The following ITPRIPL1 variants were observed in gnomAD, a reference collection of about 807,000 sequenced individuals.
ITPRIPL1 encodes ITPRIP like 1, also known as inositol 1,4,5-trisphosphate receptor-interacting protein-like 1.
In ITPRIPL1, 28 loss-of-function variants were observed where a neutral mutation model predicts 40.0. That is an observed-to-expected ratio of 0.70 (90% confidence interval 0.52 to 0.96). ITPRIPL1 has a LOEUF of 0.96. Ranked by LOEUF, ITPRIPL1 falls within the 40% of genes least tolerant of loss-of-function variation. The pLI is 0.00. For missense variants in ITPRIPL1, 638 were observed against 698.0 expected (o/e 0.91, Z 0.97); for synonymous variants, 251 against 275.7 (o/e 0.91, Z 0.89).
chr2:96,327,160 C>T lies in ITPRIPL1; in HGVS notation c.529C>T (p.Gln177Ter), dbSNP rs750204429. The change falls in exon 3 of 3, where the codon CAA becomes TAA. Residue 177 changes from glutamine (Q) to a stop codon, truncating the protein, a stop_gained. Coordinates refer to ENST00000439118, the MANE Select transcript of ITPRIPL1 (RefSeq NM_001008949.3). LOFTEE classifies it high-confidence loss of function. ...GGACTCCTTTTACAAACACTATGTC[C>T]AAAATGCCATCCGTGACCTGCCCTG... ...ALDSFYKHYV[Q>*]NAIRDLPCTC... 8 of 1,614,176 alleles carry T rather than the reference C, an allele frequency of 5.0e-6. No individual in the cohort carries two copies. The highest frequency in any genetic ancestry group is 6.8e-6 in the Non-Finnish European group (8 of 1,180,028).
intron 2 of ITPRIPL1, 121 bp from the exon 3 acceptor site, chr2:96,326,521 T>C: frequency 1.9e-6 from 3 of 1,560,378 alleles, no homozygotes; most frequent in Non-Finnish European, 2.6e-6. Context: ...TCTGTGGGCT[T>C]TCTGTTCCTC....
At chr2:96,328,577 C>T (rs931196602), downstream of ITPRIPL1, 1 of 343,686 alleles carries the variant, frequency 2.9e-6, no homozygotes, top group Non-Finnish European at 5.3e-6. Flanking sequence ...GAGGATCTTG[C>T]TGCTAAGGAG....
Position 96,328,245 on chromosome 2 carries a change from CCTT to C in ITPRIPL1, c.1617_1619del (p.Leu540del). 2 of 1,614,122 alleles carry C rather than the reference CCTT, an allele frequency of 1.2e-6. No homozygotes were observed. Among genetic ancestry groups the C allele is most frequent in the South Asian group, 1.1e-5 (1 of 91,082 alleles). On this transcript the variant is annotated inframe_deletion, in exon 3 of 3. Coordinates refer to ENST00000439118, the MANE Select transcript of ITPRIPL1 (RefSeq NM_001008949.3). ...CACAGGCAGTGGAAGAGTTCCAAAACCTTCTGACCCAGGTGAAAACTCTGCCTC... is the reference window on the plus strand; with the variant it reads ...CACAGGCAGTGGAAGAGTTCCAAAACCTGACCCAGGTGAAAACTCTGCCTC...
Position 96,325,765 on chromosome 2 carries a change from G to T in ITPRIPL1, c.-75G>T, listed in dbSNP as rs2064100329. The T allele has an allele frequency of 1.0e-5, 15 of 1,492,856 alleles. No individual in the cohort carries two copies. The South Asian group carries it at 1.6e-4, about 16-fold the overall frequency. The allele number at this position is 1,492,856 out of a possible 1,614,324, so 92.5% of individuals were successfully genotyped here. A position where few individuals can be genotyped will look rare whatever the true frequency, so the allele number is the denominator to read the frequency against. ...TTAACAGGGCTCCTAGAGAGGGCGG[G>T]GAGACGAAGCAAGGCCAAGTTCCAA... On this transcript the variant is annotated 5_prime_UTR_variant, in exon 2 of 3. Transcript: ENST00000439118.
Position 96,327,049 on chromosome 2 carries a change from A to G in ITPRIPL1, c.418A>G (p.Ser140Gly), listed in dbSNP as rs377522343. 3 of 1,614,062 alleles carry G rather than the reference A, an allele frequency of 1.9e-6. No individual in the cohort carries two copies. The African/African-American group carries it at 4.0e-5, about 22-fold the overall frequency. Residue 140 changes from serine (S) to glycine (G), a missense_variant, in exon 3 of 3, where the codon AGC (serine) becomes GGC (glycine). Coordinates refer to ENST00000439118, the MANE Select transcript of ITPRIPL1 (RefSeq NM_001008949.3). ...NMQHEPAFDSSSEEEEEEVRV... is the reference protein window; with the variant it reads ...NMQHEPAFDSGSEEEEEEVRV... Reference sequence around the variant, plus strand: ...GCAGCATGAACCGGCCTTTGATTCCAGCAGTGAGGAGGAGGAGGAGGAAGT... The same window carrying G: ...GCAGCATGAACCGGCCTTTGATTCCGGCAGTGAGGAGGAGGAGGAGGAAGT...
chr2:96,330,381 G>A (rs1466167854), downstream of ITPRIPL1: 1 of 150,030 alleles, frequency 6.7e-6, no homozygotes, highest in Non-Finnish European at 1.5e-5. Context: ...TTCAATGCAA[G>A]ATGCAATCAT....
intron 2 of ITPRIPL1, chr2:96,326,236 C>T (rs2064105196): frequency 6.9e-7 from 1 of 1,439,186 alleles, no homozygotes; most frequent in East Asian, 3.2e-5. Context: ...AGGTTCAGGG[C>T]TTTCTGGCTA....
chr2:96,327,689 G>A lies in ITPRIPL1; in HGVS notation c.1058G>A (p.Arg353Gln), dbSNP rs751537834. ...LPPSTTSCKL[R>Q]LDYRSGRFLS... ...CCGTCTACCACCTCCTGCAAGCTCCGGCTGGACTATCGCTCAGGCCGCTTT... is the reference window on the plus strand; with the variant it reads ...CCGTCTACCACCTCCTGCAAGCTCCAGCTGGACTATCGCTCAGGCCGCTTT... Residue 353 changes from arginine to glutamine, a missense_variant, in exon 3 of 3, where the codon CGG (arginine) becomes CAG (glutamine). Arg to Gln is a conservative substitution (Grantham distance 43). Transcript: ENST00000439118. 2.0e-5 allele frequency: 32 copies of A among 1,613,134 alleles called. No individual in the cohort carries two copies. The highest frequency in any genetic ancestry group is 1.8e-4 in the East Asian group (8 of 44,870).
rs1274343441 is a variant in ITPRIPL1, at chr2:96,328,053, C to CCAGGA, written c.1425_1429dup (p.Ile477ArgfsTer28). The CCAGGA allele has an allele frequency of 1.2e-6, 2 of 1,614,190 alleles. No homozygotes were observed. Among genetic ancestry groups the CCAGGA allele is most frequent in the East Asian group, 4.5e-5 (2 of 44,882 alleles). On this transcript the variant is annotated frameshift_variant, in exon 3 of 3. Transcript: ENST00000439118. LOFTEE classifies it high-confidence loss of function. ...CCCACAACATGCTCTCTCAGCGGCTCCAGGACATTCTCTGGTTCTTGGGCC... is the reference window on the plus strand; with the variant it reads ...CCCACAACATGCTCTCTCAGCGGCTCCAGGACAGGACATTCTCTGGTTCTTGGGCC...
In ITPRIPL1 at chr2:96,327,844, T is replaced by C. The variant is rs745575790; in HGVS notation, c.1213T>C (p.Phe405Leu). 2.5e-6 allele frequency: 4 copies of C among 1,613,960 alleles called. No homozygotes were observed. In the Admixed American group the frequency reaches 6.7e-5, roughly 27 times the overall value. ...GTCCTTTGTGGCCTGTGAGCACCTG[T>C]TCCTGAAGCTGGTGGGGCGCTTTGC... is the stretch of plus-strand genomic sequence containing the variant. ...PESFVACEHL[F>L]LKLVGRFAPE... The change falls in exon 3 of 3, where the codon TTC becomes CTC. Residue 405 changes from phenylalanine to leucine, a missense_variant. Phe to Leu is a conservative substitution (Grantham distance 22). Transcript: ENST00000439118.
In ITPRIPL1 at chr2:96,326,792, T is replaced by C; in HGVS notation, c.161T>C (p.Leu54Pro). The change falls in exon 3 of 3, where the codon CTG becomes CCG. Residue 54 changes from leucine to proline, a missense_variant. Transcript: ENST00000439118. Reference protein sequence around the residue: ...LEKRMSEEMRLLEMEFEERKR... With the variant: ...LEKRMSEEMRPLEMEFEERKR... Reference sequence around the variant, plus strand: ...AAGCGAATGAGTGAGGAGATGCGCCTGCTAGAGATGGAGTTTGAAGAGAGA... The same window carrying C: ...AAGCGAATGAGTGAGGAGATGCGCCCGCTAGAGATGGAGTTTGAAGAGAGA... The C allele has an allele frequency of 6.2e-6, 10 of 1,614,156 alleles. No homozygotes were observed. The highest frequency in any genetic ancestry group is 8.5e-6 in the Non-Finnish European group (10 of 1,180,026).
Position 96,327,762 on chromosome 2 carries a change from C to G in ITPRIPL1, c.1131C>G (p.Val377=), listed in dbSNP as rs1261192963. The G allele has an allele frequency of 6.2e-7, 1 of 1,613,874 alleles. No individual in the cohort carries two copies. The highest frequency in any genetic ancestry group is 1.3e-5 in the African/African-American group (1 of 75,030). Residue 377 remains valine (V), a synonymous_variant, in exon 3 of 3, where the codon GTC becomes GTG. Transcript: ENST00000439118. ...GGGTGCAACGAGAAGACACCTTGGT[C>G]TACCTGGTGAGTCAGGCTCCTGACC... ...VLGVQREDTL[V]YLVSQAPDQE...
intron 2 of ITPRIPL1, 58 bp from the exon 3 acceptor site, chr2:96,326,575 GAATGTGAGC>G: frequency 6.2e-7 from 1 of 1,603,328 alleles, no homozygotes; most frequent in Non-Finnish European, 8.5e-7. Context: ...GGGCTCTGGG[GAATGTGAGC>G]TAGAGAGCAG....
At chr2:96,325,720 C>T (rs565207633) in intron 1 of ITPRIPL1, 27 bp from the exon 2 acceptor site, 54 of 1,026,524 alleles carry the variant, frequency 5.3e-5, no homozygotes, top group Non-Finnish European at 7.6e-5. Flanking sequence ...GAGCCAAAGC[C>T]CCCAGGTACC....
rs149543934 is a variant in ITPRIPL1, at chr2:96,327,252, A to G, written c.621A>G (p.Gln207=). 2 of 1,614,148 alleles carry G rather than the reference A, an allele frequency of 1.2e-6. No individual in the cohort carries two copies. Among genetic ancestry groups the G allele is most frequent in the Middle Eastern group, 1.6e-4 (1 of 6,062 alleles). The change falls in exon 3 of 3, where the codon CAA becomes CAG. Residue 207 remains glutamine, a synonymous_variant. Transcript: ENST00000439118. ...LIEACRVLSR[Q]EAHPQLEDCL... ...AGGCCTGTCGGGTGCTCAGCCGCCA[A>G]GAGGCTCACCCACAATTGGAAGACT...
In ITPRIPL1 at chr2:96,327,765, C is replaced by T. The variant is rs1220190940; in HGVS notation, c.1134C>T (p.Tyr378=). The change falls in exon 3 of 3, where the codon TAC becomes TAT. Residue 378 remains tyrosine (Y), a synonymous_variant. Coordinates refer to ENST00000439118, the MANE Select transcript of ITPRIPL1 (RefSeq NM_001008949.3). ...TGCAACGAGAAGACACCTTGGTCTA[C>T]CTGGTGAGTCAGGCTCCTGACCAGG... ...LGVQREDTLV[Y]LVSQAPDQEQ... The T allele has an allele frequency of 1.5e-5, 24 of 1,613,886 alleles. No individual in the cohort carries two copies. The highest frequency in any genetic ancestry group is 1.9e-5 in the Non-Finnish European group (23 of 1,179,886).
chr2:96,328,388 T>C, downstream of ITPRIPL1: 3 of 1,348,266 alleles, frequency 2.2e-6, no homozygotes, highest in Non-Finnish European at 2.0e-6. Context: ...ATCAGTGGTA[T>C]ATGTGACCTT....
intron 2 of ITPRIPL1, chr2:96,326,409 G>A (rs769815194): frequency 1.9e-6 from 3 of 1,541,812 alleles, no homozygotes; most frequent in Non-Finnish European, 2.6e-6. Flanking sequence ...CCCACACCAT[G>A]TGGAAGGAAA....
chr2:96,327,391 A>G lies in ITPRIPL1; in HGVS notation c.760A>G (p.Arg254Gly), dbSNP rs2064121676. 2 of 1,613,988 alleles carry G rather than the reference A, an allele frequency of 1.2e-6. No individual in the cohort carries two copies. Among genetic ancestry groups the G allele is most frequent in the Non-Finnish European group, 1.7e-6 (2 of 1,179,938 alleles). Residue 254 changes from arginine to glycine, a missense_variant, in exon 3 of 3, where the codon AGG becomes GGG. Transcript: ENST00000439118. ...GGGCACCATGTTTGTCCTGGAGATG[A>G]GGGACCCAGCCCTGGGCCGCCGCTG... is the stretch of plus-strand genomic sequence containing the variant. ...PQGTMFVLEM[R>G]DPALGRRCGC...
Sources: gnomAD v4.1 joint callset for allele counts on GRCh38, gnomAD v4.1.1 for gene constraint, MANE v1.5 for transcripts, NCBI Gene and HGNC (gene_info 2026-07-23, HGNC 2026-07-21) for gene names.